Variants in ABTB3 observed in about 807,000 individuals in gnomAD.
ABTB3 encodes ankyrin repeat- and BTB/POZ domain-containing protein 3.
the ABTB3 span, among the ~76,000 whole-genome samples, chr12:107,573,614 C>T: frequency 6.6e-6 from 1 of 152,122 alleles, no homozygotes; most frequent in Non-Finnish European, 1.5e-5. Flanking sequence ...GGCTAATATG[C>T]TTTATATACA....
the ABTB3 span, among the ~76,000 whole-genome samples, chr12:107,512,269 C>T: frequency 2.1e-3 from 313 of 152,308 alleles, 2 homozygotes; most frequent in African/African-American, 7.2e-3. Context: ...ATATGTACAA[C>T]ATTGTATCAT....
the ABTB3 span, among the ~76,000 whole-genome samples, chr12:107,498,258 G>A: frequency 6.6e-6 from 1 of 152,192 alleles, no homozygotes; most frequent in Non-Finnish European, 1.5e-5. Flanking sequence ...GGCCGAGGAA[G>A]GTGTCTTGAC....
At chr12:107,631,126 A>G in the ABTB3 span, among the ~76,000 whole-genome samples, 2 of 151,942 alleles carry the variant, frequency 1.3e-5, no homozygotes, top group Admixed American at 6.6e-5. Context: ...TTGGATCCCC[A>G]TTGTCTGTTG....
the ABTB3 span, among the ~76,000 whole-genome samples, chr12:107,427,987 C>G: frequency 6.6e-6 from 1 of 152,182 alleles, no homozygotes; most frequent in Admixed American, 6.5e-5. Flanking sequence ...CCAGAACAGC[C>G]TTAAACGCCT....
At chr12:107,457,577 T>TA in the ABTB3 span, among the ~76,000 whole-genome samples, 1 of 152,190 alleles carries the variant, frequency 6.6e-6, no homozygotes, top group South Asian at 2.1e-4. Flanking sequence ...TCAATCTTGT[T>TA]AGAGCAGAAA....
the ABTB3 span, among the ~76,000 whole-genome samples, chr12:107,470,014 C>CTTTCTT: frequency 1.7e-4 from 11 of 65,480 alleles, no homozygotes; most frequent in Non-Finnish European, 3.0e-4. Context: ...CTTTCTTTCT[C>CTTTCTT]TCTCTCTCTC....
the ABTB3 span, among the ~76,000 whole-genome samples, chr12:107,498,711 G>A: frequency 1.3e-5 from 2 of 151,254 alleles, no homozygotes; most frequent in Admixed American, 6.6e-5. Context: ...ATAACATTGG[G>A]CCCACCTAGA....
chr12:107,335,387 G>A, the ABTB3 span, among the ~76,000 whole-genome samples: 1 of 135,662 alleles, frequency 7.4e-6, no homozygotes, highest in Non-Finnish European at 1.5e-5. Flanking sequence ...GAGGATATTT[G>A]TGATGTTTTC....
the ABTB3 span, among the ~76,000 whole-genome samples, chr12:107,477,520 T>C: frequency 6.6e-6 from 1 of 152,208 alleles, no homozygotes; most frequent in Non-Finnish European, 1.5e-5. Flanking sequence ...CATCCTTGTG[T>C]GTGCTTTAGA....
chr12:107,603,826 A>G, the ABTB3 span, among the ~76,000 whole-genome samples: 2 of 152,216 alleles, frequency 1.3e-5, no homozygotes, highest in Non-Finnish European at 1.5e-5. Context: ...TAATATCCAA[A>G]ATATATCAGG....
At chr12:107,482,964 CTTT>C in the ABTB3 span, among the ~76,000 whole-genome samples, 38 of 69,176 alleles carry the variant, frequency 5.5e-4, no homozygotes, top group African/African-American at 2.4e-3. Context: ...TTCTTTCTTT[CTTT>C]CTTTCTTTCT....
At chr12:107,473,200 G>A in the ABTB3 span, among the ~76,000 whole-genome samples, 10 of 152,120 alleles carry the variant, frequency 6.6e-5, no homozygotes, top group African/African-American at 1.9e-4. Flanking sequence ...CATCAAATGC[G>A]TACAGCCCAG....
chr12:107,402,546 C>T, the ABTB3 span, among the ~76,000 whole-genome samples: 294 of 152,356 alleles, frequency 1.9e-3, 1 homozygote, highest in African/African-American at 6.3e-3. Context: ...GTTCCAGCCA[C>T]GGCTACTGGC....
At chr12:107,445,267 AT>A in the ABTB3 span, among the ~76,000 whole-genome samples, 11 of 152,350 alleles carry the variant, frequency 7.2e-5, no homozygotes, top group South Asian at 2.3e-3. Flanking sequence ...GAATTCAAGG[AT>A]ATAAATAAGA....
At chr12:107,640,854 C>T in the ABTB3 span, among the ~76,000 whole-genome samples, 1 of 152,200 alleles carries the variant, frequency 6.6e-6, no homozygotes, top group Non-Finnish European at 1.5e-5. Context: ...AACTGCTCAC[C>T]CTCTATGCCA....
At chr12:107,433,944 G>C in the ABTB3 span, among the ~76,000 whole-genome samples, 1 of 152,160 alleles carries the variant, frequency 6.6e-6, no homozygotes, top group Non-Finnish European at 1.5e-5. Flanking sequence ...CCCTCACATG[G>C]TGGAAGAGCT....
chr12:107,457,564 T>C, the ABTB3 span, among the ~76,000 whole-genome samples: 26 of 152,184 alleles, frequency 1.7e-4, no homozygotes, highest in Non-Finnish European at 3.2e-4. Flanking sequence ...AGATTCACAG[T>C]GTTCAATCTT....
At chr12:107,537,019 T>G in the ABTB3 span, among the ~76,000 whole-genome samples, 5 of 152,168 alleles carry the variant, frequency 3.3e-5, no homozygotes, top group African/African-American at 1.2e-4. Context: ...AAAATGTGTA[T>G]ATTTATACAA....
chr12:107,329,352 G>A, the ABTB3 span, among the ~76,000 whole-genome samples: 1 of 152,182 alleles, frequency 6.6e-6, no homozygotes, highest in Non-Finnish European at 1.5e-5. Flanking sequence ...TTTCTCGTCT[G>A]CTTAATAAGG....
Sources: gnomAD v4.1 joint callset for allele counts (sites outside exome capture counted in the v4.1 genomes callset) on GRCh38, gnomAD v4.1.1 for gene constraint, MANE v1.5 for transcripts, NCBI Gene and HGNC (gene_info 2026-07-23, HGNC 2026-07-21) for gene names.